Variants in SLC1A1 observed in about 807,000 individuals in gnomAD.
The protein encoded by SLC1A1 is solute carrier family 1 member 1.
Under a neutral mutation model 53.3 loss-of-function variants are expected in SLC1A1, and 43 were observed. That is an observed-to-expected ratio of 0.81 (90% confidence interval 0.63 to 1.04). The LOEUF (loss-of-function observed/expected upper bound fraction) is 1.04, where lower values mean the gene tolerates loss of function less well. SLC1A1 is among the 50% of genes least tolerant of loss of function. SLC1A1 has a pLI of 0.00. For missense variants in SLC1A1, 748 were observed against 664.9 expected, an observed-to-expected ratio of 1.12 and a Z score of -1.37; for synonymous variants, 307 against 243.2, an observed-to-expected ratio of 1.26 and a Z score of -2.44.
intron 3 of SLC1A1, 54 bp from the exon 4 acceptor site, chr9:4,564,290 G>A (rs1387273450): frequency 7.4e-6 from 9 of 1,214,158 alleles, no homozygotes; most frequent in Non-Finnish European, 1.1e-5. Flanking sequence ...TGCCAGCTGT[G>A]CCAGGTGCCC....
At chr9:4,569,810 T>A (rs1337693959) in intron 6 of SLC1A1, among the ~76,000 whole-genome samples, 1 of 152,176 alleles carries the variant, frequency 6.6e-6, no homozygotes, top group East Asian at 1.9e-4. Flanking sequence ...ATTCCTGCCT[T>A]TTGATGTTGT....
At chr9:4,584,483 T>C (rs541879103) in intron 11 of SLC1A1, among the ~76,000 whole-genome samples, 1 of 152,290 alleles carries the variant, frequency 6.6e-6, no homozygotes, top group African/African-American at 2.4e-5. Flanking sequence ...AAAAAGACAC[T>C]AGGGCCAGTT....
At chr9:4,491,680 G>A (rs982192867) in intron 1 of SLC1A1, among the ~76,000 whole-genome samples, 1 of 152,198 alleles carries the variant, frequency 6.6e-6, no homozygotes, top group African/African-American at 2.4e-5. Context: ...ACTTCCTTGG[G>A]ATTAGCGCCA....
At chr9:4,561,772 T>C (rs955076109) in intron 3 of SLC1A1, among the ~76,000 whole-genome samples, 3 of 152,158 alleles carry the variant, frequency 2.0e-5, no homozygotes, top group African/African-American at 7.2e-5. Flanking sequence ...GCGCCTGTAG[T>C]CCCAGCTACT....
At chr9:4,554,391 A>G (rs181256742) in intron 2 of SLC1A1, 1 of 152,390 alleles carries the variant, frequency 6.6e-6, no homozygotes, top group East Asian at 1.9e-4. Flanking sequence ...CTTAAAACCT[A>G]GCAAGAAAGA....
chr9:4,497,248 G>T (rs115010613), intron 1 of SLC1A1, among the ~76,000 whole-genome samples: 214 of 152,268 alleles, frequency 1.4e-3, no homozygotes, highest in African/African-American at 4.8e-3. Context: ...AGGAAACAGA[G>T]GCACAGAGAA....
chr9:4,577,367 A>G (rs1416352354), intron 10 of SLC1A1, among the ~76,000 whole-genome samples: 1 of 152,220 alleles, frequency 6.6e-6, no homozygotes, highest in East Asian at 1.9e-4. Context: ...ACATTCCTTT[A>G]TGTTTAAACG....
rs948542693 is a variant in SLC1A1 at position 4,586,104 on chromosome 9, A to G, written c.*546A>G. 2.9e-5 allele frequency: 5 copies of G among 172,282 alleles called. No homozygotes were observed. The highest frequency in any genetic ancestry group is 1.2e-4 in the African/African-American group (5 of 41,496). The allele number at this position is 172,282 out of a possible 1,614,324, so 10.7% of individuals were successfully genotyped here. A position where few individuals can be genotyped will look rare whatever the true frequency, so the allele number is the denominator to read the frequency against. Reference sequence around the variant, plus strand: ...GAAAACAGACCAGCATAGTTCTGCAATAACAGTTTTAAGATGGGCATAGGG... The same window carrying G: ...GAAAACAGACCAGCATAGTTCTGCAGTAACAGTTTTAAGATGGGCATAGGG... On this transcript the variant is annotated 3_prime_UTR_variant, in exon 12 of 12. Coordinates refer to ENST00000262352, the MANE Select transcript of SLC1A1 (RefSeq NM_004170.6).
intron 8 of SLC1A1, among the ~76,000 whole-genome samples, chr9:4,574,929 T>C (rs1054030079): frequency 2.0e-5 from 3 of 152,156 alleles, no homozygotes; most frequent in Non-Finnish European, 4.4e-5. Context: ...GTCCCTACAG[T>C]GTGAGGCCCC....
intron 6 of SLC1A1, among the ~76,000 whole-genome samples, chr9:4,569,009 G>T (rs889785859): frequency 7.2e-5 from 11 of 152,274 alleles, no homozygotes; most frequent in Admixed American, 4.6e-4. Context: ...TTCAGTATTT[G>T]CTAATTCAGT....
intron 1 of SLC1A1, among the ~76,000 whole-genome samples, chr9:4,511,619 A>T (rs1260327961): frequency 1.3e-5 from 2 of 150,794 alleles, no homozygotes; most frequent in Non-Finnish European, 2.9e-5. Flanking sequence ...ACTACAGCTT[A>T]TATTTAATGC....
At chr9:4,557,585 A>C (rs1316666181) in intron 2 of SLC1A1, among the ~76,000 whole-genome samples, 1 of 152,086 alleles carries the variant, frequency 6.6e-6, no homozygotes, top group African/African-American at 2.4e-5. Flanking sequence ...CAGGAGTTCA[A>C]GACCAGCCTG....
chr9:4,567,945 G>A (rs372308755), intron 6 of SLC1A1, among the ~76,000 whole-genome samples, 178 bp downstream of exon 6: 4 of 152,092 alleles, frequency 2.6e-5, no homozygotes, highest in East Asian at 3.9e-4. Flanking sequence ...TCATCATCTC[G>A]CACACAAAGA....
intron 1 of SLC1A1, among the ~76,000 whole-genome samples, chr9:4,537,995 A>G (rs1261122351): frequency 1.3e-5 from 2 of 152,254 alleles, no homozygotes; most frequent in African/African-American, 4.8e-5. Flanking sequence ...TCAGCAGAAT[A>G]CAGATTGTAA....
At chr9:4,569,343 T>G (rs149085760) in intron 6 of SLC1A1, among the ~76,000 whole-genome samples, 3 of 152,366 alleles carry the variant, frequency 2.0e-5, no homozygotes, top group Non-Finnish European at 4.4e-5. Flanking sequence ...CATCAATGTT[T>G]TTATAACAAA....
At chr9:4,566,491 T>C (rs1337975354) in intron 5 of SLC1A1, among the ~76,000 whole-genome samples, 7 of 152,174 alleles carry the variant, frequency 4.6e-5, no homozygotes, top group Admixed American at 4.6e-4. Context: ...TTTCCTCTGG[T>C]ATTAGAACCC....
At chr9:4,578,460 G>C (rs533154692) in intron 10 of SLC1A1, among the ~76,000 whole-genome samples, 1 of 152,272 alleles carries the variant, frequency 6.6e-6, no homozygotes, top group African/African-American at 2.4e-5. Flanking sequence ...AGAAGAGAAG[G>C]AGATTAAGGA....
chr9:4,517,536 T>C (rs1443206453), intron 1 of SLC1A1, among the ~76,000 whole-genome samples: 1 of 152,218 alleles, frequency 6.6e-6, no homozygotes, highest in Non-Finnish European at 1.5e-5. Flanking sequence ...GATTTCCTGA[T>C]TGCTGTGATA....
chr9:4,541,197 T>A (rs932241988), intron 1 of SLC1A1, among the ~76,000 whole-genome samples: 2 of 152,172 alleles, frequency 1.3e-5, no homozygotes, highest in African/African-American at 4.8e-5. Context: ...CAACCTGAAA[T>A]AATCAAAAGG....
Sources: gnomAD v4.1 joint callset for allele counts (sites outside exome capture counted in the v4.1 genomes callset) on GRCh38, gnomAD v4.1.1 for gene constraint, MANE v1.5 for transcripts, NCBI Gene and HGNC (gene_info 2026-07-23, HGNC 2026-07-21) for gene names.